TMPRSS4: variants seen among roughly 807,000 people sequenced by gnomAD.
TMPRSS4 encodes transmembrane protease serine 4.
In TMPRSS4, 45 loss-of-function variants were observed where a neutral mutation model predicts 56.4. The ratio of observed to expected loss-of-function variants is 0.80; its 90% CI spans 0.63 to 1.02. The LOEUF (loss-of-function observed/expected upper bound fraction) is 1.02. Among genes scored for constraint, TMPRSS4 ranks in the 50% least tolerant of loss-of-function variants. The probability of loss-of-function intolerance (pLI) is 0.00; values close to 1 mark genes in which losing one functional copy is unlikely to be tolerated. For missense variants in TMPRSS4, 546 were observed against 556.7 expected (o/e 0.98, Z 0.19); for synonymous variants, 205 against 211.0 (o/e 0.97, Z 0.25).
At chr11:118,080,588 A>G (rs1369308336) in intron 1 of TMPRSS4, among the ~76,000 whole-genome samples, 1 of 152,148 alleles carries the variant, frequency 6.6e-6, no homozygotes, top group Non-Finnish European at 1.5e-5. Context: ...CCCTCAGTGC[A>G]GCTGAGAACC....
chr11:118,086,217 T>C (rs1945542220), intron 1 of TMPRSS4, among the ~76,000 whole-genome samples: 1 of 152,238 alleles, frequency 6.6e-6, no homozygotes, highest in Non-Finnish European at 1.5e-5. Context: ...CTAAGAGCTA[T>C]GCCCGAACAC....
At chr11:118,094,948 C>T in intron 2 of TMPRSS4, 93 bp downstream of exon 2, 1 of 1,355,466 alleles carries the variant, frequency 7.4e-7, no homozygotes, top group Non-Finnish European at 1.0e-6. Context: ...GCCCTCACCA[C>T]CACCACCAAA....
In TMPRSS4 at chr11:118,118,574, A is replaced by C. The variant is rs917219839; in HGVS notation, c.*661A>C. 2 of 985,444 alleles carry C rather than the reference A, an allele frequency of 2.0e-6. No individual in the cohort carries two copies. The highest frequency in any genetic ancestry group is 2.4e-6 in the Non-Finnish European group (2 of 829,982). 61.0% of individuals were successfully genotyped at this position (985,444 alleles called of 1,614,324 possible). A position where few individuals can be genotyped will look rare whatever the true frequency, so the allele number is the denominator to read the frequency against. On this transcript the variant is annotated 3_prime_UTR_variant, in exon 13 of 13. Coordinates refer to ENST00000437212, the MANE Select transcript of TMPRSS4 (RefSeq NM_019894.4). The stretch of plus-strand genomic sequence containing the variant: ...TTGAGTCTCAAAGTAGAGGCAGGGG[A>C]AAAAAGAGTTAGGGAGACCAGATCT...
At chr11:118,109,325 C>T (rs1263435441) in intron 7 of TMPRSS4, among the ~76,000 whole-genome samples, 3 of 152,232 alleles carry the variant, frequency 2.0e-5, no homozygotes, top group African/African-American at 7.2e-5. Context: ...ATATGTCTCA[C>T]TCTGTCAGTT....
intron 5 of TMPRSS4, among the ~76,000 whole-genome samples, chr11:118,105,299 A>T (rs759262455): frequency 3.3e-5 from 5 of 152,158 alleles, no homozygotes; most frequent in South Asian, 2.1e-4. Context: ...CTCTCTGCAA[A>T]TTTCAAAAGC....
downstream of TMPRSS4, among the ~76,000 whole-genome samples, chr11:118,123,092 A>G (rs1947825480): frequency 6.6e-6 from 1 of 152,178 alleles, no homozygotes; most frequent in African/African-American, 2.4e-5. Context: ...TAAATTACCC[A>G]GTCTAAGGTA....
intron 7 of TMPRSS4, among the ~76,000 whole-genome samples, chr11:118,110,691 G>A (rs141986117): frequency 3.5e-4 from 54 of 152,270 alleles, no homozygotes; most frequent in African/African-American, 1.1e-3. Context: ...CATAAGGAAC[G>A]TACAGCATAG....
intron 1 of TMPRSS4, among the ~76,000 whole-genome samples, chr11:118,077,560 T>G (rs749618369): frequency 4.6e-5 from 7 of 152,242 alleles, no homozygotes; most frequent in Non-Finnish European, 1.0e-4. Flanking sequence ...AGGGCTGTCC[T>G]TCCCGACTAT....
chr11:118,110,721 C>T (rs907167615), intron 7 of TMPRSS4, among the ~76,000 whole-genome samples: 1 of 152,258 alleles, frequency 6.6e-6, no homozygotes, highest in South Asian at 2.1e-4. Flanking sequence ...ATGTGCAGTT[C>T]ACAATAAGGT....
intron 10 of TMPRSS4, 102 bp from the exon 11 acceptor site, chr11:118,115,036 G>A: frequency 2.6e-6 from 4 of 1,551,080 alleles, no homozygotes; most frequent in Non-Finnish European, 3.5e-6. Flanking sequence ...CATCCTGGAG[G>A]ACCAAGCACC....
At chr11:118,082,688 A>G (rs639978) in intron 1 of TMPRSS4, among the ~76,000 whole-genome samples, 2,289 of 152,330 alleles carry the variant, frequency 0.015, 28 homozygotes, top group Middle Eastern at 0.024. Flanking sequence ...AGACTAAACT[A>G]AAGTTTCATA....
At chr11:118,095,552 C>T (rs1946239178) in intron 2 of TMPRSS4, among the ~76,000 whole-genome samples, 1 of 152,148 alleles carries the variant, frequency 6.6e-6, no homozygotes, top group Non-Finnish European at 1.5e-5. Context: ...CTAGTTTATA[C>T]TTTGGAATTC....
At chr11:118,087,681 T>C (rs603407) in intron 1 of TMPRSS4, 74,183 of 152,084 alleles carry the variant, frequency 0.49, 18,359 homozygotes, top group East Asian at 0.76. Context: ...CTGGGTTCAT[T>C]CTCTCTGAGC....
chr11:118,081,619 G>A (rs561144509), intron 1 of TMPRSS4, among the ~76,000 whole-genome samples: 13 of 152,338 alleles, frequency 8.5e-5, no homozygotes, highest in Admixed American at 2.6e-4. Context: ...CCTGTCCAGG[G>A]GTGGCAGTCG....
downstream of TMPRSS4, among the ~76,000 whole-genome samples, chr11:118,123,394 A>G (rs1437512927): frequency 1.3e-5 from 2 of 152,244 alleles, no homozygotes; most frequent in East Asian, 3.8e-4. Flanking sequence ...CAAGAATTAG[A>G]GGAACAAAAC....
intron 1 of TMPRSS4, among the ~76,000 whole-genome samples, chr11:118,079,146 G>A (rs626252): frequency 0.81 from 122,951 of 152,056 alleles, 50,157 homozygotes; most frequent in East Asian, 0.96. Flanking sequence ...TCTCCACGGT[G>A]TGGTCAAGGA....
chr11:118,113,570 G>T, intron 9 of TMPRSS4, 135 bp downstream of exon 9: 1 of 983,690 alleles, frequency 1.0e-6, no homozygotes, highest in Non-Finnish European at 1.5e-6. Flanking sequence ...TCTCTAATAC[G>T]TCAGCCTAAC....
At chr11:118,109,024 C>A in intron 7 of TMPRSS4, 128 bp downstream of exon 7, 3 of 1,054,924 alleles carry the variant, frequency 2.8e-6, no homozygotes, top group Non-Finnish European at 2.8e-6. Context: ...AGCCCTTGGG[C>A]TTGTCGGTCA....
intron 5 of TMPRSS4, chr11:118,106,074 A>G (rs1946975210): frequency 6.6e-6 from 1 of 152,230 alleles, no homozygotes; most frequent in Admixed American, 6.5e-5. Context: ...TCCTGCAGCC[A>G]CGGAGCCCAG....
Sources: allele counts gnomAD v4.1 joint callset (sites outside exome capture counted in the v4.1 genomes callset), GRCh38; gene constraint gnomAD v4.1.1; transcripts MANE v1.5; gene names NCBI Gene and HGNC (gene_info 2026-07-23, HGNC 2026-07-21).